The following COPB2 variants were observed in gnomAD, a reference collection of about 807,000 sequenced individuals.
COPB2 encodes the protein coatomer subunit beta'.
Under a neutral mutation model 120.8 loss-of-function variants are expected in COPB2, and 16 were observed. That is an observed-to-expected ratio of 0.13 (90% CI 0.09 to 0.20). The LOEUF (loss-of-function observed/expected upper bound fraction) is 0.20, where lower values mean the gene tolerates loss of function less well. Ranked by LOEUF, COPB2 falls within the 10% of genes least tolerant of loss-of-function variation. The probability of loss-of-function intolerance (pLI) is 1.00; values close to 1 mark genes in which losing one functional copy is unlikely to be tolerated. For synonymous variants in COPB2, 332 were observed against 366.3 expected, an observed-to-expected ratio of 0.91 and a Z score of 1.07; for missense variants, 794 against 1,076.5, an observed-to-expected ratio of 0.74 and a Z score of 3.67.
At chr3:139,358,705 C>A (rs1941346138) in intron 20 of COPB2, 39 bp downstream of exon 20, 2 of 1,416,460 alleles carry the variant, frequency 1.4e-6, no homozygotes, top group Admixed American at 1.8e-5. Flanking sequence ...AAAAGTGAAC[C>A]ATCTCAGCCA....
intron 5 of COPB2, among the ~76,000 whole-genome samples, chr3:139,376,492 C>T (rs932155474): frequency 1.3e-4 from 20 of 152,010 alleles, no homozygotes; most frequent in African/African-American, 4.6e-4. Flanking sequence ...GAAGATAAGA[C>T]AATTATTGTT....
intron 5 of COPB2, 149 bp from the exon 6 acceptor site, chr3:139,375,763 T>C (rs1015209556): frequency 9.4e-7 from 1 of 1,066,034 alleles, no homozygotes; most frequent in South Asian, 2.3e-5. Flanking sequence ...TGGTTTTTGT[T>C]CTTTCTCATT....
intron 9 of COPB2, 62 bp downstream of exon 9, chr3:139,373,151 T>TG (rs1941650997): frequency 8.6e-6 from 13 of 1,518,692 alleles, no homozygotes; most frequent in Non-Finnish European, 1.2e-5. Context: ...GAGTGGACTG[T>TG]GGATCTGCAA....
chr3:139,364,043 G>T (rs1941471978), intron 15 of COPB2, among the ~76,000 whole-genome samples: 1 of 122,604 alleles, frequency 8.2e-6, no homozygotes, highest in Non-Finnish European at 2.1e-5. Context: ...ACACTAAAAG[G>T]ATTTTTTTTT....
Position 139,370,515 on chromosome 3 carries a change from C to A in COPB2, c.1206-971G>T, listed in dbSNP as rs545768958. Among the ~76,000 whole-genome samples, 3 of 152,288 alleles carry A rather than the reference C, an allele frequency of 2.0e-5. No individual in the cohort carries two copies. In the East Asian group the frequency reaches 5.8e-4, roughly 29 times the overall value. On this transcript the variant is annotated intron_variant, in intron 10 of 21. Coordinates refer to ENST00000333188, the MANE Select transcript of COPB2 (RefSeq NM_004766.3). ...AACCACAGATCGGGGGATCGCTGTA[C>A]AATTAAGTGGTACATTCTGTCTTCT...
intron 5 of COPB2, among the ~76,000 whole-genome samples, chr3:139,376,813 A>C (rs2107806332): frequency 6.6e-6 from 1 of 152,344 alleles, no homozygotes; most frequent in Middle Eastern, 3.4e-3. Context: ...GCAGTGGCGC[A>C]ATCTCGGCTC....
chr3:139,364,496 C>T (rs188969343), intron 15 of COPB2, among the ~76,000 whole-genome samples: 60 of 152,260 alleles, frequency 3.9e-4, no homozygotes, highest in South Asian at 1.7e-3. Flanking sequence ...AATACTGAGA[C>T]TCCAAGGTAT....
intron 15 of COPB2, 51 bp from the exon 16 acceptor site, chr3:139,362,568 TATG>T (rs1941442299): frequency 8.3e-6 from 9 of 1,090,806 alleles, no homozygotes; most frequent in Non-Finnish European, 1.2e-5. Context: ...AAAATGTATG[TATG>T]TTTTATATAT....
rs1162107467 is a variant in COPB2, at chr3:139,375,612, C to T, written c.507G>A (p.Val169=). The T allele has an allele frequency of 1.9e-6, 3 of 1,613,696 alleles. No individual in the cohort carries two copies. Among genetic ancestry groups the T allele is most frequent in the Admixed American group, 1.7e-5 (1 of 60,004 alleles). ...ASASLDRTIK[V]WQLGSSSPNF... ...TTGGTGACGAAGAGCCCAACTGCCACACCTGCAGAGAGAAACAGCATCGGC... is the reference window on the plus strand; with the variant it reads ...TTGGTGACGAAGAGCCCAACTGCCATACCTGCAGAGAGAAACAGCATCGGC... The change falls in exon 6 of 22, where the codon GTG becomes GTA. Residue 169 remains valine (V), a splice_region_variant and synonymous_variant. Transcript: ENST00000333188.
At chr3:139,384,773 G>A (rs1292532381) in intron 1 of COPB2, among the ~76,000 whole-genome samples, 1 of 152,166 alleles carries the variant, frequency 6.6e-6, no homozygotes, top group African/African-American at 2.4e-5. Context: ...TCACAATGAA[G>A]AATATACTAA....
Position 139,383,353 on chromosome 3 carries a change from C to A in COPB2, c.86G>T (p.Trp29Leu), listed in dbSNP as rs1173001976. The A allele has an allele frequency of 6.2e-7, 1 of 1,613,346 alleles. No homozygotes were observed. The highest frequency in any genetic ancestry group is 8.5e-7 in the Non-Finnish European group (1 of 1,179,770). The change falls in exon 2 of 22, where the codon TGG becomes TTG. Residue 29 changes from tryptophan (W) to leucine (L), a missense_variant. Trp to Leu is a moderately conservative substitution (Grantham distance 61, BLOSUM62 -2). This residue lies in a region of COPB2 where 610 missense variants were observed against 866.7 expected (regional missense o/e 0.70). Transcript: ENST00000333188. ...KSVDLHPTEPWMLASLYNGSV... is the reference protein window; with the variant it reads ...KSVDLHPTEPLMLASLYNGSV... Reference sequence around the variant, plus strand: ...GCCATTGTAAAGACTTGCCAACATCCATGGCTCTGTAGGATGCAGATCCAC... The same window carrying A: ...GCCATTGTAAAGACTTGCCAACATCAATGGCTCTGTAGGATGCAGATCCAC...
intron 5 of COPB2, among the ~76,000 whole-genome samples, chr3:139,376,644 A>G (rs1941716881): frequency 6.6e-6 from 1 of 152,264 alleles, no homozygotes; most frequent in Non-Finnish European, 1.5e-5. Flanking sequence ...AACATTTTAC[A>G]TAAAGGAAAA....
chr3:139,375,309 T>C (rs1446463807), intron 6 of COPB2, among the ~76,000 whole-genome samples, 159 bp downstream of exon 6: 1 of 152,236 alleles, frequency 6.6e-6, no homozygotes, highest in Admixed American at 6.5e-5. Context: ...ATTGTTTTCA[T>C]TTTTATGGAG....
At position 139,369,251 on chromosome 3, in the gene COPB2, G is replaced by A; in HGVS notation, c.1401+10C>T. 6.3e-7 allele frequency: 1 copy of A among 1,594,282 alleles called. No homozygotes were observed. The highest frequency in any genetic ancestry group is 8.6e-7 in the Non-Finnish European group (1 of 1,167,874). On this transcript the variant is annotated intron_variant, in intron 12 of 21. Coordinates refer to ENST00000333188, the MANE Select transcript of COPB2 (RefSeq NM_004766.3). ...AATATTCCAAAAACAACAATGGAGG[G>A]GAAACTCACATGTTTGGGCTGAATT...
At chr3:139,358,145 A>C in intron 21 of COPB2, 55 bp downstream of exon 21, 3 of 1,466,534 alleles carry the variant, frequency 2.0e-6, no homozygotes, top group Non-Finnish European at 2.9e-6. Flanking sequence ...TCCTCCAGAT[A>C]TTGATGGGGA....
In COPB2 at chr3:139,382,240, T is replaced by C. The variant is rs879924758; in HGVS notation, c.141+1058A>G. On this transcript the variant is annotated intron_variant, in intron 2 of 21. Coordinates refer to ENST00000333188, the MANE Select transcript of COPB2 (RefSeq NM_004766.3). ...GATTTCCCCCTTGCCGTTCTCGTGA[T>C]AGTGACTTCTCATGAGATCTGATGG... is the stretch of plus-strand genomic sequence containing the variant. 2.4e-4 allele frequency: 36 copies of C among 152,188 alleles called. 1 individual carries two copies. The highest frequency in any genetic ancestry group is 1.5e-4 in the Non-Finnish European group (10 of 68,030). 9.4% of individuals were successfully genotyped at this position (152,188 alleles called of 1,614,324 possible).
chr3:139,374,803 C>A (rs7636369), intron 6 of COPB2, among the ~76,000 whole-genome samples: 1 of 152,090 alleles, frequency 6.6e-6, no homozygotes, highest in East Asian at 1.9e-4. Flanking sequence ...GTAACTATCA[C>A]ATTTAAAGAA....
At chr3:139,364,643 ATTG>A (rs1297993272) in intron 15 of COPB2, among the ~76,000 whole-genome samples, 1 of 152,230 alleles carries the variant, frequency 6.6e-6, no homozygotes, top group Non-Finnish European at 1.5e-5. Flanking sequence ...TGCCTAGCAC[ATTG>A]TTAAGTGCTT....
chr3:139,372,245 T>C (rs1267237380), intron 9 of COPB2, among the ~76,000 whole-genome samples: 1 of 152,214 alleles, frequency 6.6e-6, no homozygotes. Context: ...ACAAAGACTA[T>C]CTTCATTTTA....
Sources: gnomAD v4.1 joint callset for allele counts (sites outside exome capture counted in the v4.1 genomes callset) on GRCh38, gnomAD v4.1.1 for gene constraint, gnomAD v4.1.1 regional missense constraint, MANE v1.5 for transcripts, NCBI Gene and HGNC (gene_info 2026-07-23, HGNC 2026-07-21) for gene names.